Variants in AKT3 observed in about 807,000 individuals in gnomAD.
AKT3 encodes the protein RAC-gamma serine/threonine-protein kinase.
A neutral mutation model predicts 65.3 loss-of-function variants in AKT3; 15 were observed. That is an observed-to-expected ratio of 0.23 (90% CI 0.15 to 0.35). The LOEUF is 0.35. AKT3 is among the 10% of genes least tolerant of loss of function. The probability of loss-of-function intolerance (pLI) is 1.00; values close to 1 mark genes in which losing one functional copy is unlikely to be tolerated. For synonymous variants in AKT3, 206 were observed against 183.8 expected, an observed-to-expected ratio of 1.12 and a Z score of -0.98; for missense variants, 243 against 576.5, an observed-to-expected ratio of 0.42 and a Z score of 5.92.
At chr1:243,495,939 C>T (rs376465008), downstream of AKT3, among the ~76,000 whole-genome samples, 5 of 152,108 alleles carry the variant, frequency 3.3e-5, no homozygotes, top group Non-Finnish European at 5.9e-5. Flanking sequence ...TGCCTGGATT[C>T]GAATCTCAGC....
At chr1:243,739,020 T>C (rs1439854842) in intron 2 of AKT3, among the ~76,000 whole-genome samples, 1 of 152,166 alleles carries the variant, frequency 6.6e-6, no homozygotes, top group Non-Finnish European at 1.5e-5. Context: ...AATCCTATGT[T>C]TTATTTCCTA....
chr1:243,557,568 A>C lies in AKT3; in HGVS notation c.949-4625T>G, dbSNP rs954141580. ...TTAAACAATGTCCAATTATGAGATA[A>C]AATGGAATGGCTTTTAATATTACCC... On this transcript the variant is annotated intron_variant, in intron 10 of 13. Coordinates refer to ENST00000673466, the MANE Select transcript of AKT3 (RefSeq NM_005465.7). 4.6e-5 allele frequency among the ~76,000 whole-genome samples: 7 copies of C among 152,174 alleles called. No homozygotes were observed. In the South Asian group the frequency reaches 1.5e-3, roughly 32 times the overall value.
intron 2 of AKT3, among the ~76,000 whole-genome samples, chr1:243,794,931 T>A (rs1691859708): frequency 6.6e-6 from 1 of 152,232 alleles, no homozygotes; most frequent in African/African-American, 2.4e-5. Context: ...TAGTTGACGT[T>A]GTTTGCCTGC....
intron 2 of AKT3, among the ~76,000 whole-genome samples, chr1:243,737,748 G>A (rs986349256): frequency 6.6e-6 from 1 of 152,110 alleles, no homozygotes; most frequent in African/African-American, 2.4e-5. Context: ...TCATTGGATG[G>A]CAATGATTAG....
intron 8 of AKT3, among the ~76,000 whole-genome samples, chr1:243,584,890 T>A (rs1675676810): frequency 6.6e-6 from 1 of 151,664 alleles, no homozygotes; most frequent in East Asian, 1.9e-4. Context: ...TAGTGGAGAG[T>A]GCTAGCCAGA....
intron 12 of AKT3, among the ~76,000 whole-genome samples, chr1:243,533,251 A>G (rs1276832873): frequency 6.6e-6 from 1 of 152,236 alleles, no homozygotes; most frequent in Non-Finnish European, 1.5e-5. Flanking sequence ...GCATCTACAC[A>G]TGGAACTAAA....
chr1:243,606,379 C>T (rs1420540072), intron 8 of AKT3, among the ~76,000 whole-genome samples: 1 of 152,164 alleles, frequency 6.6e-6, no homozygotes, highest in Non-Finnish European at 1.5e-5. Context: ...AAAGTCCAGG[C>T]TGAGGTGGCC....
chr1:243,639,319 C>T (rs1007793985), intron 5 of AKT3, among the ~76,000 whole-genome samples: 115 of 152,246 alleles, frequency 7.6e-4, no homozygotes, highest in African/African-American at 2.7e-3. Context: ...AGAAATGACA[C>T]CAATTTTATA....
chr1:243,639,336 C>G (rs540124217), intron 5 of AKT3, among the ~76,000 whole-genome samples: 10 of 152,244 alleles, frequency 6.6e-5, no homozygotes, highest in African/African-American at 2.4e-4. Flanking sequence ...TATACAAATT[C>G]TTTCTGAAAA....
chr1:243,719,119 G>C (rs191523605), intron 2 of AKT3, among the ~76,000 whole-genome samples: 4 of 152,170 alleles, frequency 2.6e-5, no homozygotes. Context: ...CTTTTTCTGA[G>C]TATCACATAT....
intron 9 of AKT3, among the ~76,000 whole-genome samples, chr1:243,572,337 C>T (rs972185336): frequency 1.3e-5 from 2 of 152,252 alleles, no homozygotes; most frequent in African/African-American, 4.8e-5. Context: ...AGACTATACA[C>T]GAACAGCAAA....
chr1:243,707,058 A>C (rs1033217877), intron 2 of AKT3, among the ~76,000 whole-genome samples: 1 of 152,166 alleles, frequency 6.6e-6, no homozygotes, highest in African/African-American at 2.4e-5. Flanking sequence ...TGGAGAAATA[A>C]ATTAAAGTTT....
At chr1:243,513,616 T>C (rs1670156414) in intron 12 of AKT3, among the ~76,000 whole-genome samples, 1 of 152,180 alleles carries the variant, frequency 6.6e-6, no homozygotes, top group Non-Finnish European at 1.5e-5. Context: ...TAAGGGACAT[T>C]TCAGTTTATG....
At chr1:243,640,530 A>C (rs1680298157) in intron 5 of AKT3, among the ~76,000 whole-genome samples, 1 of 152,200 alleles carries the variant, frequency 6.6e-6, no homozygotes, top group Non-Finnish European at 1.5e-5. Context: ...AAGCTCTAGA[A>C]AGCCAGCTCT....
At chr1:243,766,952 C>A (rs1046863552) in intron 2 of AKT3, among the ~76,000 whole-genome samples, 6 of 152,024 alleles carry the variant, frequency 3.9e-5, no homozygotes, top group African/African-American at 1.4e-4. Flanking sequence ...TTTTAAAAAT[C>A]TGAACTTATG....
chr1:243,614,005 A>C (rs920146002), intron 7 of AKT3, among the ~76,000 whole-genome samples: 1 of 152,218 alleles, frequency 6.6e-6, no homozygotes, highest in Non-Finnish European at 1.5e-5. Flanking sequence ...AGCACTTCTC[A>C]ATCTAATTTG....
intron 8 of AKT3, among the ~76,000 whole-genome samples, chr1:243,578,507 A>C (rs920360040): frequency 6.6e-6 from 1 of 152,094 alleles, no homozygotes; most frequent in African/African-American, 2.4e-5. Flanking sequence ...CACAGGGAGA[A>C]CACCACCACA....
chr1:243,811,017 C>T lies in AKT3; in HGVS notation c.46+32108G>A, dbSNP rs534671926. Reference sequence around the variant, plus strand: ...CTCAATAAATTAGGTATTGATGGGACGTATCTCAAAATAATAAGAGCTATT... The same window carrying T: ...CTCAATAAATTAGGTATTGATGGGATGTATCTCAAAATAATAAGAGCTATT... On this transcript the variant is annotated intron_variant, in intron 2 of 13. Coordinates refer to ENST00000673466, the MANE Select transcript of AKT3 (RefSeq NM_005465.7). Among the ~76,000 whole-genome samples, 22 of 152,214 alleles carry T rather than the reference C, an allele frequency of 1.4e-4. No homozygotes were observed. The South Asian group carries it at 1.9e-3, about 13-fold the overall frequency.
At position 243,781,810 on chromosome 1, in the gene AKT3, G is replaced by C. The variant is rs113931423; in HGVS notation, c.46+61315C>G. Among the ~76,000 whole-genome samples the C allele has an allele frequency of 2.0e-4, 30 of 152,164 alleles. 1 individual carries two copies. The highest frequency in any genetic ancestry group is 7.0e-4 in the African/African-American group (29 of 41,512). Reference sequence around the variant, plus strand: ...GGAAAACTATTCTAAAATTCACATGGATTGATGGATTTATTTAATCATTCC... The same window carrying C: ...GGAAAACTATTCTAAAATTCACATGCATTGATGGATTTATTTAATCATTCC... On this transcript the variant is annotated intron_variant, in intron 2 of 13. Coordinates refer to ENST00000673466, the MANE Select transcript of AKT3 (RefSeq NM_005465.7).
Sources: allele counts gnomAD v4.1 joint callset (sites outside exome capture counted in the v4.1 genomes callset), GRCh38; gene constraint gnomAD v4.1.1; transcripts MANE v1.5; gene names NCBI Gene and HGNC (gene_info 2026-07-23, HGNC 2026-07-21).